CREB5: variants seen among roughly 807,000 people sequenced by gnomAD.
The protein encoded by CREB5 is cyclic AMP-responsive element-binding protein 5.
CREB5 carries 19 observed loss-of-function variants against 57.1 expected under a neutral mutation model. That is an observed-to-expected ratio of 0.33 (90% CI 0.23 to 0.49). CREB5 has a LOEUF of 0.49. Among genes scored for constraint, CREB5 ranks in the 20% least tolerant of loss-of-function variants. CREB5 has a pLI of 0.99. For missense variants in CREB5, 579 were observed against 671.6 expected (o/e 0.86, Z 1.52); for synonymous variants, 238 against 238.3 (o/e 1.00, Z 0.01).
intron 1 of CREB5, among the ~76,000 whole-genome samples, chr7:28,391,315 A>C (rs1787211028): frequency 6.6e-6 from 1 of 152,216 alleles, no homozygotes; most frequent in Non-Finnish European, 1.5e-5. Flanking sequence ...GCCAACACAC[A>C]GTGTGGCACA....
chr7:28,754,639 A>G (rs1419373439), intron 7 of CREB5, among the ~76,000 whole-genome samples: 1 of 152,178 alleles, frequency 6.6e-6, no homozygotes, highest in African/African-American at 2.4e-5. Flanking sequence ...ACTTAGAGGA[A>G]TAAGTTGGTT....
At chr7:28,534,126 A>T (rs1180872269) in intron 4 of CREB5, among the ~76,000 whole-genome samples, 1 of 152,130 alleles carries the variant, frequency 6.6e-6, no homozygotes, top group Non-Finnish European at 1.5e-5. Flanking sequence ...TTTCCAGAAG[A>T]AAAAAATAAG....
chr7:28,697,519 A>G (rs997435381), intron 5 of CREB5, among the ~76,000 whole-genome samples: 3 of 151,894 alleles, frequency 2.0e-5, no homozygotes, highest in Admixed American at 6.6e-5. Flanking sequence ...CCCCTCCCAG[A>G]GGTCCTTGCA....
intron 4 of CREB5, among the ~76,000 whole-genome samples, chr7:28,560,889 TGTGTGTGCGTGC>T (rs1562797531): frequency 0.043 from 779 of 18,146 alleles, 95 homozygotes; most frequent in Middle Eastern, 0.19. Context: ...CGTGCGTGCG[TGTGTGTGCGTGC>T]GCGCGTGCGT....
At chr7:28,809,065 C>T (rs1323578629) in intron 8 of CREB5, 122 bp from the exon 9 acceptor site, 4 of 836,094 alleles carry the variant, frequency 4.8e-6, no homozygotes, top group Non-Finnish European at 7.6e-6. Flanking sequence ...AGGCAAGTCT[C>T]ATATGCTGAC....
intron 1 of CREB5, among the ~76,000 whole-genome samples, chr7:28,319,526 T>C (rs1393008651): frequency 6.6e-6 from 1 of 152,060 alleles, no homozygotes; most frequent in East Asian, 1.9e-4. Flanking sequence ...CTTCGGAGTA[T>C]TTGTGAAAAT....
chr7:28,720,046 C>T (rs1450850539), intron 6 of CREB5, among the ~76,000 whole-genome samples: 4 of 152,236 alleles, frequency 2.6e-5, no homozygotes, highest in South Asian at 2.1e-4. Context: ...GGTGACAGAG[C>T]GAGACTCCGT....
At chr7:28,802,325 A>AT (rs1245446914) in intron 7 of CREB5, among the ~76,000 whole-genome samples, 2 of 151,738 alleles carry the variant, frequency 1.3e-5, no homozygotes, top group African/African-American at 4.8e-5. Context: ...TTTTTTATTT[A>AT]TTTTTTTTCT....
At chr7:28,569,448 A>T (rs564550135) in intron 4 of CREB5, among the ~76,000 whole-genome samples, 134 of 152,200 alleles carry the variant, frequency 8.8e-4, no homozygotes, top group Non-Finnish European at 1.6e-3. Flanking sequence ...TTCTATGAAG[A>T]CCTATCTCGC....
chr7:28,752,619 G>GTGAA (rs1805049603), intron 7 of CREB5, among the ~76,000 whole-genome samples: 1 of 152,160 alleles, frequency 6.6e-6, no homozygotes, highest in Non-Finnish European at 1.5e-5. Flanking sequence ...CTTTTCCAAA[G>GTGAA]GATTCACCCC....
rs535964589 is a variant in CREB5, at chr7:28,823,793, C to G, written c.*4514C>G. ...TCCCTTAGTGCTTTTTGTCCCTTCCCGAACAATATGCAGTAGCTTTAAGCC... is the reference window on the plus strand; with the variant it reads ...TCCCTTAGTGCTTTTTGTCCCTTCCGGAACAATATGCAGTAGCTTTAAGCC... On this transcript the variant is annotated 3_prime_UTR_variant, in exon 11 of 11. Coordinates refer to ENST00000357727, the MANE Select transcript of CREB5 (RefSeq NM_182898.4). 6.6e-6 allele frequency: 1 copy of G among 152,486 alleles called. No homozygotes were observed. 9.4% of individuals were successfully genotyped at this position (152,486 alleles called of 1,614,324 possible).
intron 5 of CREB5, among the ~76,000 whole-genome samples, chr7:28,694,829 G>C (rs1290308463): frequency 6.6e-6 from 1 of 152,148 alleles, no homozygotes; most frequent in Non-Finnish European, 1.5e-5. Context: ...TTATAGGCGT[G>C]AGCTACTTAG....
chr7:28,509,342 C>T (rs1409547805), intron 4 of CREB5, among the ~76,000 whole-genome samples: 3 of 152,186 alleles, frequency 2.0e-5, no homozygotes, highest in Non-Finnish European at 4.4e-5. Context: ...TTATATGAAG[C>T]CCTGTGTGAG....
chr7:28,477,166 G>A (rs920468441), intron 1 of CREB5, among the ~76,000 whole-genome samples: 2 of 152,206 alleles, frequency 1.3e-5, no homozygotes, highest in Non-Finnish European at 2.9e-5. Context: ...ACTGTGATGG[G>A]TAATCAATCA....
intron 7 of CREB5, among the ~76,000 whole-genome samples, chr7:28,802,121 C>T (rs374228328): frequency 7.5e-6 from 1 of 133,232 alleles, no homozygotes; most frequent in Non-Finnish European, 1.6e-5. Flanking sequence ...AAACACAGTA[C>T]CCAGCATCTA....
chr7:28,532,884 C>A (rs754444313), intron 4 of CREB5, among the ~76,000 whole-genome samples: 3 of 152,186 alleles, frequency 2.0e-5, no homozygotes, highest in Non-Finnish European at 2.9e-5. Context: ...TAGCACCAAC[C>A]CCTTAGACAA....
At chr7:28,776,663 C>A (rs560179963) in intron 7 of CREB5, among the ~76,000 whole-genome samples, 1 of 152,176 alleles carries the variant, frequency 6.6e-6, no homozygotes, top group South Asian at 2.1e-4. Flanking sequence ...TTTCATTACC[C>A]TTCAGAAAAA....
intron 9 of CREB5, among the ~76,000 whole-genome samples, chr7:28,812,133 G>T (rs913932189): frequency 3.3e-5 from 5 of 152,206 alleles, no homozygotes; most frequent in Non-Finnish European, 7.3e-5. Flanking sequence ...GGGAAGGGAG[G>T]TTGGGTGGCA....
chr7:28,503,129 G>A (rs1216695713), intron 3 of CREB5, among the ~76,000 whole-genome samples: 1 of 152,204 alleles, frequency 6.6e-6, no homozygotes, highest in Non-Finnish European at 1.5e-5. Flanking sequence ...AGCTGATAAT[G>A]TGACTGATTG....
Sources: allele counts gnomAD v4.1 joint callset (sites outside exome capture counted in the v4.1 genomes callset), GRCh38; gene constraint gnomAD v4.1.1; transcripts MANE v1.5; gene names NCBI Gene and HGNC (gene_info 2026-07-23, HGNC 2026-07-21).